The following GSE1 variants were observed in gnomAD, a reference collection of about 807,000 sequenced individuals.
GSE1 encodes genetic suppressor element 1.
Under a neutral mutation model 112.6 loss-of-function variants are expected in GSE1, and 32 were observed. The observed-to-expected ratio is 0.28, with a 90% CI of 0.21 to 0.38. The LOEUF (loss-of-function observed/expected upper bound fraction) is 0.38. GSE1 is among the 10% of genes least tolerant of loss of function. The pLI is 1.00. For synonymous variants in GSE1, 1,115 were observed against 735.6 expected (o/e 1.52, Z -8.35); for missense variants, 2,348 against 1,699.2 (o/e 1.38, Z -6.71).
intron 2 of GSE1, among the ~76,000 whole-genome samples, chr16:85,468,745 G>C (rs945719062): frequency 6.6e-6 from 1 of 152,180 alleles, no homozygotes. Flanking sequence ...GGCAAGAGTG[G>C]CTGCCTTTCC....
intron 2 of GSE1, among the ~76,000 whole-genome samples, chr16:85,421,129 G>A (rs573210890): frequency 2.0e-5 from 3 of 152,226 alleles, no homozygotes; most frequent in South Asian, 2.1e-4. Context: ...CGCAGTGGGC[G>A]CTGTGAAAGT....
chr16:85,572,940 G>C (rs781636219), intron 1 of GSE1, among the ~76,000 whole-genome samples: 7 of 152,196 alleles, frequency 4.6e-5, no homozygotes, highest in Non-Finnish European at 7.3e-5. Flanking sequence ...CGCTGTCTCT[G>C]CTTGCTGCAA....
intron 1 of GSE1, among the ~76,000 whole-genome samples, chr16:85,589,960 A>C (rs569366521): frequency 3.9e-4 from 59 of 151,690 alleles, no homozygotes; most frequent in Non-Finnish European, 7.7e-4. Context: ...GGAATGTGAG[A>C]GTGATCGTGT....
intron 1 of GSE1, among the ~76,000 whole-genome samples, chr16:85,235,372 GCCTCT>G (rs939361540): frequency 2.7e-5 from 4 of 150,808 alleles, no homozygotes; most frequent in Non-Finnish European, 5.9e-5. Context: ...CCTCAGAGAG[GCCTCT>G]CCTCTCCAGA....
intron 1 of GSE1, among the ~76,000 whole-genome samples, chr16:85,266,816 T>TTGA (rs1180377232): frequency 6.6e-6 from 1 of 152,062 alleles, no homozygotes; most frequent in Non-Finnish European, 1.5e-5. Flanking sequence ...GACCTGTGTG[T>TTGA]TGAGGCCTGA....
At chr16:85,581,587 C>A (rs2046450474) in intron 1 of GSE1, among the ~76,000 whole-genome samples, 1 of 152,198 alleles carries the variant, frequency 6.6e-6, no homozygotes, top group Admixed American at 6.5e-5. Flanking sequence ...CTCTCCTCTT[C>A]CGTAGAAGTT....
At chr16:85,502,592 T>G (rs1211705118) in intron 2 of GSE1, among the ~76,000 whole-genome samples, 1 of 152,214 alleles carries the variant, frequency 6.6e-6, no homozygotes, top group East Asian at 1.9e-4. Context: ...GTTCTTGGTC[T>G]GTGTCTGCCA....
At chr16:85,637,485 C>A in intron 2 of GSE1, among the ~76,000 whole-genome samples, 1 of 151,048 alleles carries the variant, frequency 6.6e-6, no homozygotes, top group Non-Finnish European at 1.5e-5. Context: ...GCAGCAGTGG[C>A]TATGTATCGA....
intron 2 of GSE1, among the ~76,000 whole-genome samples, chr16:85,493,247 C>T (rs1018707169): frequency 1.3e-5 from 2 of 152,072 alleles, no homozygotes; most frequent in Non-Finnish European, 2.9e-5. Flanking sequence ...GCCAGGAGTT[C>T]AAGACCAGCC....
chr16:85,497,464 C>A (rs541149884), intron 2 of GSE1, among the ~76,000 whole-genome samples: 1 of 152,188 alleles, frequency 6.6e-6, no homozygotes, highest in East Asian at 1.9e-4. Flanking sequence ...AGGTCGTGTG[C>A]GTGAATTCTT....
upstream of GSE1, chr16:85,554,792 A>AGGACGGAC: frequency 1.7e-6 from 1 of 595,084 alleles, no homozygotes; most frequent in South Asian, 8.4e-5. Flanking sequence ...GGAGGGAGGG[A>AGGACGGAC]GGACGGACGG....
In GSE1 at chr16:85,556,062, A is replaced by G. The variant is rs958263334; in HGVS notation, c.-265A>G. 9.1e-5 allele frequency: 89 copies of G among 980,824 alleles called. No homozygotes were observed. The Middle Eastern group carries it at 1.6e-3, about 17-fold the overall frequency. 60.8% of individuals were successfully genotyped at this position (980,824 alleles called of 1,614,324 possible). On this transcript the variant is annotated 5_prime_UTR_variant, in exon 1 of 3. Transcript: ENST00000635906. Reference sequence around the variant, plus strand: ...CCCGTCCTTGGTCGTCAATTACCTCATTGTGGATCTGCCAGGGCCAAGGTG... The same window carrying G: ...CCCGTCCTTGGTCGTCAATTACCTCGTTGTGGATCTGCCAGGGCCAAGGTG...
chr16:85,463,353 A>AC lies in GSE1; in HGVS notation c.2464+105715dup, dbSNP rs568970541. Among the ~76,000 whole-genome samples, 24 of 151,936 alleles carry AC rather than the reference A, an allele frequency of 1.6e-4. No homozygotes were observed. The South Asian group carries it at 4.6e-3, about 29-fold the overall frequency. On this transcript the variant is annotated intron_variant, in intron 2 of 2. Coordinates refer to the GSE1 transcript ENST00000637419. Reference sequence around the variant, plus strand: ...GGTTTCCTCAAGTAGAAAACCCTTGACCCCCGCGGTCTGGCTGTGCCTGGG... The same window carrying AC: ...GGTTTCCTCAAGTAGAAAACCCTTGACCCCCCGCGGTCTGGCTGTGCCTGGG...
At chr16:85,595,586 G>A (rs954171392) in intron 1 of GSE1, 1 of 152,144 alleles carries the variant, frequency 6.6e-6, no homozygotes, top group African/African-American at 2.4e-5. Flanking sequence ...ATGTGGTTGG[G>A]ACTTTGTAAT....
intron 2 of GSE1, among the ~76,000 whole-genome samples, chr16:85,445,100 A>C (rs2049476625): frequency 6.6e-6 from 1 of 152,210 alleles, no homozygotes; most frequent in South Asian, 2.1e-4. Context: ...TTTATCTTCC[A>C]GCCTGAATCG....
intron 1 of GSE1, among the ~76,000 whole-genome samples, chr16:85,326,230 G>C (rs372532118): frequency 6.6e-6 from 1 of 152,148 alleles, no homozygotes; most frequent in Admixed American, 6.5e-5. Flanking sequence ...AAGCCTAAGG[G>C]TTAATGAGGA....
At position 85,633,022 on chromosome 16, in the gene GSE1, C is replaced by T. The variant is rs564058327; in HGVS notation, c.8-892C>T. On this transcript the variant is annotated intron_variant, in intron 1 of 15. Transcript: ENST00000253458. ...GGGCTCAGACCTCTGGTGCCGCCGC[C>T]GCCGCCGCTGTCACCACTGGCCGGG... is the stretch of plus-strand genomic sequence containing the variant. Among the ~76,000 whole-genome samples, 560 of 152,298 alleles carry T rather than the reference C, an allele frequency of 3.7e-3. 7 individuals are homozygous for T. Among genetic ancestry groups the T allele is most frequent in the African/African-American group, 0.013 (524 of 41,566 alleles).
rs187509521 is a variant in GSE1 at position 85,359,744 on chromosome 16, C to T, written c.2464+2101C>T. On this transcript the variant is annotated intron_variant, in intron 2 of 2. Coordinates refer to the GSE1 transcript ENST00000637419. ...AGTAGTGAGCGAGGGGGATGGGGCA[C>T]GAACCCCGACGTCTGGCTCCCGCGC... Among the ~76,000 whole-genome samples, 3 of 152,244 alleles carry T rather than the reference C, an allele frequency of 2.0e-5. No homozygotes were observed. In the East Asian group the frequency reaches 5.8e-4, roughly 29 times the overall value.
intron 2 of GSE1, among the ~76,000 whole-genome samples, chr16:85,508,268 A>C (rs1433623968): frequency 6.6e-6 from 1 of 152,190 alleles, no homozygotes; most frequent in Non-Finnish European, 1.5e-5. Flanking sequence ...TCCTGACCTC[A>C]GGTGATCCAC....
Sources: allele counts gnomAD v4.1 joint callset (sites outside exome capture counted in the v4.1 genomes callset), GRCh38; gene constraint gnomAD v4.1.1; transcripts MANE v1.5; gene names NCBI Gene and HGNC (gene_info 2026-07-23, HGNC 2026-07-21).